EML6: variants seen among roughly 807,000 people sequenced by gnomAD.
The protein encoded by EML6 is echinoderm microtubule-associated protein-like 6.
EML6 carries 154 observed loss-of-function variants against 240.1 expected under a neutral mutation model. The observed-to-expected ratio is 0.64, with a 90% CI of 0.56 to 0.73. The LOEUF (loss-of-function observed/expected upper bound fraction) is 0.73. Ranked by LOEUF, EML6 falls within the 30% of genes least tolerant of loss-of-function variation. EML6 has a pLI of 0.00. For synonymous variants in EML6, 1,148 were observed against 899.0 expected, an observed-to-expected ratio of 1.28 and a Z score of -4.95; for missense variants, 2,964 against 2,474.6, an observed-to-expected ratio of 1.20 and a Z score of -4.20.
intron 16 of EML6, among the ~76,000 whole-genome samples, chr2:54,879,083 AC>A (rs1350727483): frequency 6.6e-6 from 1 of 152,226 alleles, no homozygotes; most frequent in Non-Finnish European, 1.5e-5. Context: ...AATTAACTGA[AC>A]CCAGTTTTTA....
At chr2:54,796,747 G>A (rs985052785) in intron 2 of EML6, among the ~76,000 whole-genome samples, 3 of 152,120 alleles carry the variant, frequency 2.0e-5, no homozygotes, top group African/African-American at 7.2e-5. Flanking sequence ...GGGAGAAAAT[G>A]TTGTGTTTCT....
At chr2:54,819,351 C>T (rs1386270212) in intron 4 of EML6, among the ~76,000 whole-genome samples, 2 of 152,142 alleles carry the variant, frequency 1.3e-5, no homozygotes, top group Non-Finnish European at 2.9e-5. Flanking sequence ...ATGAGAGCAT[C>T]TCAGATGGGC....
chr2:54,749,901 A>C (rs1050629914), intron 2 of EML6, among the ~76,000 whole-genome samples: 1 of 152,252 alleles, frequency 6.6e-6, no homozygotes, highest in Non-Finnish European at 1.5e-5. Context: ...TGAATTTAAC[A>C]TGAACTCCCA....
intron 2 of EML6, among the ~76,000 whole-genome samples, chr2:54,743,293 A>C (rs1177389720): frequency 6.6e-6 from 1 of 152,200 alleles, no homozygotes; most frequent in Non-Finnish European, 1.5e-5. Context: ...ATGTGGGAGG[A>C]AAGCAGAGCA....
At chr2:54,859,079 G>C (rs1212020004) in intron 11 of EML6, among the ~76,000 whole-genome samples, 1 of 152,210 alleles carries the variant, frequency 6.6e-6, no homozygotes, top group African/African-American at 2.4e-5. Flanking sequence ...TGTTCACTGA[G>C]TAAAGCAACC....
At chr2:54,729,813 A>T (rs1683075293) in intron 2 of EML6, among the ~76,000 whole-genome samples, 1 of 152,270 alleles carries the variant, frequency 6.6e-6, no homozygotes, top group Non-Finnish European at 1.5e-5. Context: ...GTAGATCATT[A>T]GAATTCTGCC....
chr2:54,847,440 A>G, intron 8 of EML6, 46 bp from the exon 9 acceptor site: 1 of 1,539,618 alleles, frequency 6.5e-7, no homozygotes, highest in Non-Finnish European at 8.8e-7. Context: ...GCCGATGACC[A>G]TGGGAAGTTG....
chr2:54,861,604 G>A lies in EML6; in HGVS notation c.1825+1903G>A, dbSNP rs140079620. Among the ~76,000 whole-genome samples, 414 of 152,106 alleles carry A rather than the reference G, an allele frequency of 2.7e-3. 2 individuals are homozygous for A. The highest frequency in any genetic ancestry group is 0.024 in the Admixed American group (373 of 15,284). ...TGTCTTCCCCCCTTTACAGTCTTGC[G>A]GTACCAACAGGACATGGCACATCTT... On this transcript the variant is annotated intron_variant, in intron 12 of 41. Coordinates refer to ENST00000356458, the MANE Select transcript of EML6 (RefSeq NM_001039753.4).
intron 2 of EML6, among the ~76,000 whole-genome samples, chr2:54,757,458 A>G (rs867361087): frequency 2.8e-4 from 43 of 152,292 alleles, no homozygotes; most frequent in African/African-American, 9.1e-4. Context: ...GGAACCTCCA[A>G]TCTCTTGCCT....
intron 2 of EML6, among the ~76,000 whole-genome samples, chr2:54,791,877 G>A (rs1218960513): frequency 2.6e-5 from 4 of 152,162 alleles, no homozygotes; most frequent in Non-Finnish European, 5.9e-5. Context: ...AACTGAGAGG[G>A]TGGGATGAGA....
At chr2:54,814,413 G>T (rs754358153) in intron 3 of EML6, among the ~76,000 whole-genome samples, 11 of 152,096 alleles carry the variant, frequency 7.2e-5, no homozygotes, top group African/African-American at 2.4e-4. Flanking sequence ...AGGTTGATAC[G>T]TTCTAGAAAA....
chr2:54,936,661 C>G (rs1675149267), intron 28 of EML6, among the ~76,000 whole-genome samples: 1 of 152,008 alleles, frequency 6.6e-6, no homozygotes, highest in Non-Finnish European at 1.5e-5. Flanking sequence ...TTTCAAGGTC[C>G]TTTATTAACA....
rs1673610149 is a variant in EML6, at chr2:54,910,991, AC to A, written c.3448del (p.Leu1150PhefsTer12). On this transcript the variant is annotated frameshift_variant, in exon 25 of 42. Transcript: ENST00000356458. LOFTEE classifies it high-confidence loss of function. ...LQVNSGAREQ[L>X]FFEAPRGKRH... ...AAGTGAATTCAGGTGCCAGAGAACA[AC>A]TTTTTTTTGAAGCTCCAAGAGGCAA... The A allele has an allele frequency of 1.3e-6, 2 of 1,540,410 alleles. No individual in the cohort carries two copies. The highest frequency in any genetic ancestry group is 8.8e-7 in the Non-Finnish European group (1 of 1,138,952).
At chr2:54,959,074 C>T (rs1213967329) in intron 33 of EML6, 30 bp from the exon 34 acceptor site, 15 of 1,536,042 alleles carry the variant, frequency 9.8e-6, no homozygotes, top group South Asian at 7.4e-5. Flanking sequence ...GAGTGTGTTC[C>T]GGGTGTAGAA....
rs777741533 is a variant in EML6 at position 54,879,530 on chromosome 2, GTGT to G, written c.2345-12_2345-10del. The G allele has an allele frequency of 1.2e-5, 19 of 1,521,380 alleles. No homozygotes were observed. In the Admixed American group the frequency reaches 1.8e-4, roughly 14 times the overall value. The allele number at this position is 1,521,380 out of a possible 1,614,324, so 94.2% of individuals were successfully genotyped here. On this transcript the variant is annotated splice_polypyrimidine_tract_variant and intron_variant, in intron 16 of 41. Coordinates refer to ENST00000356458, the MANE Select transcript of EML6 (RefSeq NM_001039753.4). ...TTTCATGGAAGAAATTTTGACATTT[GTGT>G]TGTTTTCATACAGCCGATGGAAAAT... is the stretch of plus-strand genomic sequence containing the variant.
In EML6 at chr2:54,838,644, T is replaced by C. The variant is rs200035334; in HGVS notation, c.848-5403T>C. Among the ~76,000 whole-genome samples the C allele has an allele frequency of 3.1e-4, 47 of 152,348 alleles. 1 individual carries two copies. The East Asian group carries it at 8.7e-3, about 28-fold the overall frequency. On this transcript the variant is annotated intron_variant, in intron 7 of 41. Coordinates refer to ENST00000356458, the MANE Select transcript of EML6 (RefSeq NM_001039753.4). Reference sequence around the variant, plus strand: ...GAAGGTTGCTGTTTCTCTTCTCTGGTCTGAGTATAAAATCAGGGCCACGGA... The same window carrying C: ...GAAGGTTGCTGTTTCTCTTCTCTGGCCTGAGTATAAAATCAGGGCCACGGA...
Position 54,869,098 on chromosome 2 carries a change from T to G in EML6, c.2052-83T>G. 3 of 867,578 alleles carry G rather than the reference T, an allele frequency of 3.5e-6. No homozygotes were observed. In the East Asian group the frequency reaches 8.0e-5, roughly 23 times the overall value. 53.7% of individuals were successfully genotyped at this position (867,578 alleles called of 1,614,324 possible). A position where few individuals can be genotyped will look rare whatever the true frequency, so the allele number is the denominator to read the frequency against. On this transcript the variant is annotated intron_variant, in intron 14 of 41. Coordinates refer to ENST00000356458, the MANE Select transcript of EML6 (RefSeq NM_001039753.4). ...CCACTTGTACATGTTCACGTCAATATGTTAGCCTTGCCTCTGACACCTCCT... is the reference window on the plus strand; with the variant it reads ...CCACTTGTACATGTTCACGTCAATAGGTTAGCCTTGCCTCTGACACCTCCT...
chr2:54,801,510 C>G (rs892844720), intron 2 of EML6, among the ~76,000 whole-genome samples: 1 of 152,154 alleles, frequency 6.6e-6, no homozygotes, highest in Non-Finnish European at 1.5e-5. Flanking sequence ...AGTGTGATGT[C>G]TGGGATTGCT....
chr2:54,851,379 C>G (rs1406060100), intron 10 of EML6, among the ~76,000 whole-genome samples: 1 of 152,136 alleles, frequency 6.6e-6, no homozygotes, highest in Admixed American at 6.5e-5. Context: ...CACCACTGCA[C>G]TCCAGCCTGG....
Sources: gnomAD v4.1 joint callset for allele counts (sites outside exome capture counted in the v4.1 genomes callset) on GRCh38, gnomAD v4.1.1 for gene constraint, MANE v1.5 for transcripts, NCBI Gene and HGNC (gene_info 2026-07-23, HGNC 2026-07-21) for gene names.